The following NRG1 variants were observed in gnomAD, a reference collection of about 807,000 sequenced individuals.
NRG1 encodes the protein pro-neuregulin-1, membrane-bound isoform.
A neutral mutation model predicts 63.8 loss-of-function variants in NRG1; 18 were observed. The observed-to-expected ratio is 0.28, with a 90% CI of 0.19 to 0.42. NRG1 has a LOEUF of 0.42. Ranked by LOEUF, NRG1 falls within the 10% of genes least tolerant of loss-of-function variation. The pLI is 1.00. For synonymous variants in NRG1, 302 were observed against 301.3 expected, an observed-to-expected ratio of 1.00 and a Z score of -0.02; for missense variants, 762 against 814.7, an observed-to-expected ratio of 0.94 and a Z score of 0.79.
chr8:32,229,121 A>G (rs766518566), intron 1 of NRG1, among the ~76,000 whole-genome samples: 18 of 152,194 alleles, frequency 1.2e-4, no homozygotes, highest in Non-Finnish European at 2.5e-4. Context: ...CACCAGGTCA[A>G]TTAGTGCACC....
chr8:32,266,213 C>T (rs1318366158), intron 1 of NRG1, among the ~76,000 whole-genome samples: 3 of 152,072 alleles, frequency 2.0e-5, no homozygotes, highest in Non-Finnish European at 4.4e-5. Context: ...GAAAATGATC[C>T]TTTGGTTTTC....
intron 1 of NRG1, among the ~76,000 whole-genome samples, chr8:32,207,648 T>C (rs1457742268): frequency 6.6e-6 from 1 of 152,188 alleles, no homozygotes; most frequent in African/African-American, 2.4e-5. Flanking sequence ...TGGGGAGCCT[T>C]CCTGTAGTAC....
intron 1 of NRG1, among the ~76,000 whole-genome samples, chr8:32,221,709 G>A (rs1845832308): frequency 6.6e-6 from 1 of 152,014 alleles, no homozygotes. Flanking sequence ...CTGATTATGG[G>A]ACATTTTCAT....
intron 1 of NRG1, among the ~76,000 whole-genome samples, chr8:32,437,782 T>G (rs1371662241): frequency 2.0e-5 from 3 of 152,176 alleles, no homozygotes; most frequent in Non-Finnish European, 4.4e-5. Context: ...GTAGGACATA[T>G]CTGATGGAAA....
chr8:32,687,562 T>C (rs761057699), intron 5 of NRG1, among the ~76,000 whole-genome samples: 2 of 152,122 alleles, frequency 1.3e-5, no homozygotes, highest in Admixed American at 6.6e-5. Context: ...CTCAGAACCA[T>C]TAGCTGAGAC....
chr8:32,470,001 G>A (rs1375495919), intron 1 of NRG1, among the ~76,000 whole-genome samples: 1 of 150,598 alleles, frequency 6.6e-6, no homozygotes, highest in East Asian at 2.0e-4. Flanking sequence ...GGGATTACAG[G>A]CGCCAGCCAC....
intron 1 of NRG1, among the ~76,000 whole-genome samples, chr8:31,958,080 T>TAGATAGATAGAA (rs781754647): frequency 6.6e-6 from 1 of 151,672 alleles, no homozygotes. Context: ...GATAGATAGA[T>TAGATAGATAGAA]AGACAGACAG....
chr8:32,247,514 C>T (rs1231809171), intron 1 of NRG1, among the ~76,000 whole-genome samples: 2 of 152,038 alleles, frequency 1.3e-5, no homozygotes, highest in Non-Finnish European at 2.9e-5. Flanking sequence ...TTTTCAAAGG[C>T]CCTCTGGGAG....
chr8:32,211,247 G>A (rs1844676642), intron 1 of NRG1, among the ~76,000 whole-genome samples: 2 of 152,084 alleles, frequency 1.3e-5, no homozygotes, highest in South Asian at 4.1e-4. Context: ...CCAAATACAT[G>A]CATTTATTTT....
chr8:32,131,815 T>C (rs1157384623), intron 1 of NRG1, among the ~76,000 whole-genome samples: 1 of 152,054 alleles, frequency 6.6e-6, no homozygotes. Context: ...GATAATCATT[T>C]CCTTCTTTGT....
At chr8:32,381,426 G>A (rs938113315) in intron 1 of NRG1, among the ~76,000 whole-genome samples, 11 of 152,288 alleles carry the variant, frequency 7.2e-5, no homozygotes, top group Non-Finnish European at 8.8e-5. Flanking sequence ...TAAGCTTCAC[G>A]AGGGCAGCTG....
intron 1 of NRG1, among the ~76,000 whole-genome samples, chr8:31,830,744 T>C (rs1825065230): frequency 6.6e-6 from 1 of 151,954 alleles, no homozygotes; most frequent in Admixed American, 6.6e-5. Flanking sequence ...CTACTCCTCC[T>C]ACTTCCTCCC....
chr8:32,588,123 T>C (rs1841944517), intron 1 of NRG1, among the ~76,000 whole-genome samples: 1 of 151,982 alleles, frequency 6.6e-6, no homozygotes, highest in Non-Finnish European at 1.5e-5. Context: ...CGTTTCACCA[T>C]GTTGGTCAGG....
chr8:32,609,612 TTCCTTC>T (rs1238295859), intron 3 of NRG1, among the ~76,000 whole-genome samples: 1 of 119,536 alleles, frequency 8.4e-6, no homozygotes. Context: ...CCTTCCTTCC[TTCCTTC>T]CTTTCCCTCC....
At chr8:31,853,270 A>G (rs1047642581) in intron 1 of NRG1, among the ~76,000 whole-genome samples, 2 of 151,444 alleles carry the variant, frequency 1.3e-5, no homozygotes, top group African/African-American at 4.8e-5. Flanking sequence ...ATTTGTTTGT[A>G]TCCTCTTTTA....
chr8:32,410,752 T>C (rs530817443), intron 1 of NRG1, among the ~76,000 whole-genome samples: 1 of 152,248 alleles, frequency 6.6e-6, no homozygotes, highest in East Asian at 1.9e-4. Context: ...AGTCTGCTTC[T>C]TAGTGGGACA....
chr8:31,743,857 A>G (rs551238959), intron 1 of NRG1, among the ~76,000 whole-genome samples: 2 of 152,144 alleles, frequency 1.3e-5, no homozygotes, highest in East Asian at 1.9e-4. Context: ...AAGCTTCTGT[A>G]GAAACATTGT....
intron 1 of NRG1, among the ~76,000 whole-genome samples, chr8:32,322,516 A>G (rs924440447): frequency 1.3e-5 from 2 of 152,104 alleles, no homozygotes; most frequent in Non-Finnish European, 2.9e-5. Context: ...TCTGCCACCC[A>G]TTAATCCTAT....
At chr8:31,731,715 C>T (rs1473641853) in intron 1 of NRG1, among the ~76,000 whole-genome samples, 1 of 152,058 alleles carries the variant, frequency 6.6e-6, no homozygotes, top group Non-Finnish European at 1.5e-5. Context: ...ATAAATATTT[C>T]AGGAAATTCT....
Sources: gnomAD v4.1 joint callset for allele counts (sites outside exome capture counted in the v4.1 genomes callset) on GRCh38, gnomAD v4.1.1 for gene constraint, MANE v1.5 for transcripts, NCBI Gene and HGNC (gene_info 2026-07-23, HGNC 2026-07-21) for gene names.